Variants in MEGF10 observed in about 807,000 individuals in gnomAD.
MEGF10 encodes multiple EGF like domains 10.
In MEGF10, 86 loss-of-function variants were observed where a neutral mutation model predicts 147.5. The observed-to-expected ratio is 0.58, with a 90% CI of 0.49 to 0.70. The LOEUF (loss-of-function observed/expected upper bound fraction) is 0.70. Ranked by LOEUF, MEGF10 falls within the 30% of genes least tolerant of loss-of-function variation. The probability of loss-of-function intolerance (pLI) is 0.00; values close to 1 mark genes in which losing one functional copy is unlikely to be tolerated. For synonymous variants in MEGF10, 478 were observed against 525.5 expected (o/e 0.91, Z 1.24); for missense variants, 1,329 against 1,487.3 (o/e 0.89, Z 1.75).
At chr5:127,427,687 T>C (rs980892989) in intron 13 of MEGF10, among the ~76,000 whole-genome samples, 1 of 152,130 alleles carries the variant, frequency 6.6e-6, no homozygotes, top group African/African-American at 2.4e-5. Context: ...GTGAGTGAGC[T>C]GCTACTTCAG....
At chr5:127,404,944 G>A (rs1363211306) in intron 8 of MEGF10, among the ~76,000 whole-genome samples, 2 of 152,140 alleles carry the variant, frequency 1.3e-5, no homozygotes, top group South Asian at 2.1e-4. Context: ...TCGAACTCCT[G>A]AGCTCAGGCA....
At chr5:127,245,275 C>A in the MEGF10 span, among the ~76,000 whole-genome samples, 1 of 152,074 alleles carries the variant, frequency 6.6e-6, no homozygotes, top group African/African-American at 2.4e-5. Flanking sequence ...ACCAATGGAA[C>A]AGAACAGAGG....
chr5:127,353,639 T>C (rs980299135), intron 4 of MEGF10, among the ~76,000 whole-genome samples: 10 of 152,232 alleles, frequency 6.6e-5, no homozygotes, highest in African/African-American at 1.9e-4. Context: ...CCAGTCCAGC[T>C]CCCATTCTCT....
the MEGF10 span, among the ~76,000 whole-genome samples, chr5:127,271,484 C>T: frequency 1.1e-4 from 16 of 151,586 alleles, no homozygotes; most frequent in African/African-American, 3.6e-4. Context: ...AGATTGCAAA[C>T]ATTTTCTCCC....
rs571883087 is a variant in MEGF10, at chr5:127,310,460, G to A, written c.-19+19404G>A. 2.0e-5 allele frequency among the ~76,000 whole-genome samples: 3 copies of A among 152,092 alleles called. No individual in the cohort carries two copies. The South Asian group carries it at 6.2e-4, about 32-fold the overall frequency. The stretch of plus-strand genomic sequence containing the variant: ...TTCTCTTTTATTGCTTGTGCTTTTA[G>A]TATCATATCCAAGAATCATTGCCAA... On this transcript the variant is annotated intron_variant, in intron 1 of 24. Coordinates refer to ENST00000503335, the MANE Select transcript of MEGF10 (RefSeq NM_001256545.2).
chr5:127,395,693 C>T (rs146507481), intron 5 of MEGF10, among the ~76,000 whole-genome samples: 7,924 of 151,714 alleles, frequency 0.052, 438 homozygotes, highest in African/African-American at 0.14. Flanking sequence ...TACAGGCGCC[C>T]GCCACCATGC....
At chr5:127,370,411 G>T (rs1429331538) in intron 5 of MEGF10, among the ~76,000 whole-genome samples, 1 of 152,092 alleles carries the variant, frequency 6.6e-6, no homozygotes, top group Non-Finnish European at 1.5e-5. Context: ...CCACCTGTTG[G>T]TTTTTAACTC....
At chr5:127,385,281 C>T (rs1763387945) in intron 5 of MEGF10, among the ~76,000 whole-genome samples, 1 of 152,038 alleles carries the variant, frequency 6.6e-6, no homozygotes, top group African/African-American at 2.4e-5. Context: ...TTGATGCATC[C>T]TAATAAATAC....
chr5:127,402,131 G>A (rs1379302968), intron 7 of MEGF10, among the ~76,000 whole-genome samples: 2 of 152,108 alleles, frequency 1.3e-5, no homozygotes, highest in African/African-American at 4.8e-5. Flanking sequence ...TTCCATGTGC[G>A]GCAGATGTTG....
intron 17 of MEGF10, among the ~76,000 whole-genome samples, chr5:127,439,990 A>C (rs1227025765): frequency 6.6e-6 from 1 of 152,212 alleles, no homozygotes; most frequent in Non-Finnish European, 1.5e-5. Context: ...GAAAATGAAA[A>C]GCATATGTAA....
At chr5:127,364,257 C>T (rs1403920145) in intron 4 of MEGF10, among the ~76,000 whole-genome samples, 1 of 152,148 alleles carries the variant, frequency 6.6e-6, no homozygotes, top group Admixed American at 6.5e-5. Flanking sequence ...AACCCCTGTA[C>T]CTACTACCCA....
At chr5:127,381,470 G>A (rs573862407) in intron 5 of MEGF10, among the ~76,000 whole-genome samples, 6 of 152,190 alleles carry the variant, frequency 3.9e-5, no homozygotes, top group East Asian at 1.9e-4. Flanking sequence ...GCTGGCTGCC[G>A]TGCTCAGAGT....
the MEGF10 span, among the ~76,000 whole-genome samples, chr5:127,281,739 AG>A: frequency 6.6e-6 from 1 of 152,192 alleles, no homozygotes. Flanking sequence ...ACACTGCTGA[AG>A]GGCAGGGCAT....
chr5:127,272,388 T>C, the MEGF10 span, among the ~76,000 whole-genome samples: 3 of 152,222 alleles, frequency 2.0e-5, no homozygotes, highest in Non-Finnish European at 4.4e-5. Context: ...TCATTTTGCT[T>C]GCAATTTCCT....
chr5:127,302,230 A>T (rs1759805479), intron 1 of MEGF10, among the ~76,000 whole-genome samples: 1 of 152,228 alleles, frequency 6.6e-6, no homozygotes, highest in Non-Finnish European at 1.5e-5. Flanking sequence ...AATGTCTATC[A>T]ACTGATAAAG....
intron 12 of MEGF10, 24 bp from the exon 13 acceptor site, chr5:127,422,646 C>T: frequency 6.2e-7 from 1 of 1,600,186 alleles, no homozygotes; most frequent in Non-Finnish European, 8.6e-7. Flanking sequence ...CTCATTGCTG[C>T]CTTTGATGCT....
chr5:127,262,634 A>T, the MEGF10 span, among the ~76,000 whole-genome samples: 1 of 152,126 alleles, frequency 6.6e-6, no homozygotes, highest in Non-Finnish European at 1.5e-5. Context: ...TCACCCTCAA[A>T]TCTTGGGATG....
chr5:127,365,970 C>T (rs1418405369), intron 4 of MEGF10, among the ~76,000 whole-genome samples: 1 of 152,120 alleles, frequency 6.6e-6, no homozygotes, highest in East Asian at 1.9e-4. Context: ...CTAAGTGGAC[C>T]TCTGTTCCCT....
At chr5:127,256,746 A>G in the MEGF10 span, among the ~76,000 whole-genome samples, 1 of 152,232 alleles carries the variant, frequency 6.6e-6, no homozygotes, top group Middle Eastern at 3.2e-3. Context: ...TTTGTAAGTC[A>G]ACATTTTATA....
Sources: allele counts gnomAD v4.1 joint callset (sites outside exome capture counted in the v4.1 genomes callset), GRCh38; gene constraint gnomAD v4.1.1; transcripts MANE v1.5; gene names NCBI Gene and HGNC (gene_info 2026-07-23, HGNC 2026-07-21).